Variants in CBX7 observed in about 807,000 individuals in gnomAD.
The protein encoded by CBX7 is chromobox 7, also known as chromobox protein homolog 7.
Under a neutral mutation model 31.4 loss-of-function variants are expected in CBX7, and 14 were observed. The observed-to-expected ratio is 0.45, with a 90% CI of 0.29 to 0.70. The LOEUF is 0.70. Among genes scored for constraint, CBX7 ranks in the 30% least tolerant of loss-of-function variants. CBX7 has a pLI of 0.11. For missense variants in CBX7, 269 were observed against 351.9 expected (o/e 0.76, Z 1.89); for synonymous variants, 159 against 152.6 (o/e 1.04, Z -0.31).
At position 39,132,501 on chromosome 22, in the gene CBX7, C is replaced by G. The variant is rs5750753; in HGVS notation, c.*1390G>C. 0.19 allele frequency: 28,212 copies of G among 152,370 alleles called. 3,152 individuals are homozygous for G. Among genetic ancestry groups the G allele is most frequent in the East Asian group, 0.42 (2,190 of 5,156 alleles). 9.4% of individuals were successfully genotyped at this position (152,370 alleles called of 1,614,324 possible). A position where few individuals can be genotyped will look rare whatever the true frequency, so the allele number is the denominator to read the frequency against. On this transcript the variant is annotated 3_prime_UTR_variant, in exon 6 of 6. Transcript: ENST00000216133. The stretch of plus-strand genomic sequence containing the variant: ...AGTCACTCCTCACTGGCAGGGAAGC[C>G]ACGGGCCCCCAGGACACCTTGTACA...
At chr22:39,138,110 GGTGGAGCTTGCA>G (rs1438343497) in intron 4 of CBX7, among the ~76,000 whole-genome samples, 1 of 151,702 alleles carries the variant, frequency 6.6e-6, no homozygotes, top group Non-Finnish European at 1.5e-5. Context: ...GAACCCGGGA[GGTGGAGCTTGCA>G]GTGAGCCAAG....
rs1442557202 is a variant in CBX7, at chr22:39,132,283, A to T, written c.*1608T>A. On this transcript the variant is annotated 3_prime_UTR_variant, in exon 6 of 6. Coordinates refer to ENST00000216133, the MANE Select transcript of CBX7 (RefSeq NM_175709.5). ...TCTCCTTGCCTCAGTAGACTCTGTGACTTCCTGAGGACACAGAGCAGAGCT... is the reference window on the plus strand; with the variant it reads ...TCTCCTTGCCTCAGTAGACTCTGTGTCTTCCTGAGGACACAGAGCAGAGCT... The T allele has an allele frequency of 1.3e-5, 2 of 152,188 alleles. No individual in the cohort carries two copies. Among genetic ancestry groups the T allele is most frequent in the African/African-American group, 4.8e-5 (2 of 41,432 alleles). 9.4% of individuals were successfully genotyped at this position (152,188 alleles called of 1,614,324 possible).
intron 1 of CBX7, among the ~76,000 whole-genome samples, chr22:39,150,680 G>C (rs897408333): frequency 3.9e-5 from 6 of 152,180 alleles, no homozygotes; most frequent in African/African-American, 1.2e-4. Context: ...TGAGGCAGGA[G>C]GATCGTTTGA....
At chr22:39,149,369 T>C in intron 2 of CBX7, 1 of 215,954 alleles carries the variant, frequency 4.6e-6, no homozygotes, top group Non-Finnish European at 9.3e-6. Context: ...TGAGGGGGAT[T>C]CAGGCTCTGC....
intron 3 of CBX7, 42 bp downstream of exon 3, chr22:39,141,329 G>A: frequency 6.4e-7 from 1 of 1,570,448 alleles, no homozygotes; most frequent in South Asian, 1.1e-5. Flanking sequence ...AAGCCTCTGA[G>A]CCGGCCCTAA....
chr22:39,133,754 T>G lies in CBX7; in HGVS notation c.*137A>C. ...AGAGAAAGGGCAGGTGGTGGGAGAG[T>G]AGTGGGATCTTCTCCCCTTTTGCTG... On this transcript the variant is annotated 3_prime_UTR_variant, in exon 6 of 6. Coordinates refer to ENST00000216133, the MANE Select transcript of CBX7 (RefSeq NM_175709.5). The G allele has an allele frequency of 3.8e-6, 3 of 779,500 alleles. No homozygotes were observed. The highest frequency in any genetic ancestry group is 5.8e-6 in the Non-Finnish European group (3 of 521,256). 48.3% of individuals were successfully genotyped at this position (779,500 alleles called of 1,614,324 possible).
intron 1 of CBX7, among the ~76,000 whole-genome samples, chr22:39,151,803 G>T (rs1327831548): frequency 6.6e-6 from 1 of 150,760 alleles, no homozygotes; most frequent in Non-Finnish European, 1.5e-5. Flanking sequence ...ATGCCCCAGC[G>T]CAGGGGGCGG....
Position 39,133,664 on chromosome 22 carries a change from G to T in CBX7, c.*227C>A, listed in dbSNP as rs1569105081. On this transcript the variant is annotated 3_prime_UTR_variant, in exon 6 of 6. Coordinates refer to ENST00000216133, the MANE Select transcript of CBX7 (RefSeq NM_175709.5). Reference sequence around the variant, plus strand: ...CCTGTCCCCATCCTGCCCTGGGGGTGGTACCCCAACTCCCAGAGCAACTCT... The same window carrying T: ...CCTGTCCCCATCCTGCCCTGGGGGTTGTACCCCAACTCCCAGAGCAACTCT... 2.3e-6 allele frequency: 1 copy of T among 442,762 alleles called. No individual in the cohort carries two copies. The highest frequency in any genetic ancestry group is 3.9e-5 in the East Asian group (1 of 25,960). 27.4% of individuals were successfully genotyped at this position (442,762 alleles called of 1,614,324 possible).
intron 2 of CBX7, among the ~76,000 whole-genome samples, chr22:39,143,275 A>T (rs964562097): frequency 2.1e-5 from 3 of 141,212 alleles, no homozygotes; most frequent in African/African-American, 8.0e-5. Flanking sequence ...AAATAAAAAT[A>T]TAAATTTTAT....
intron 2 of CBX7, among the ~76,000 whole-genome samples, chr22:39,146,034 G>A (rs1017570433): frequency 6.6e-6 from 1 of 152,160 alleles, no homozygotes; most frequent in South Asian, 2.1e-4. Context: ...CAACCCCCAA[G>A]CCCCAGTCCC....
At chr22:39,145,165 C>T (rs1333972721) in intron 2 of CBX7, among the ~76,000 whole-genome samples, 1 of 152,192 alleles carries the variant, frequency 6.6e-6, no homozygotes, top group African/African-American at 2.4e-5. Context: ...GCCCGGGCAG[C>T]TGGGTCTGAG....
chr22:39,149,821 C>G lies in CBX7; in HGVS notation c.81G>C (p.Glu27Asp). ...RKKRVRKGKVEYLVKWKGWPP... is the reference protein window; with the variant it reads ...RKKRVRKGKVDYLVKWKGWPP... ...GCCATCCTTTCCACTTCACCAGATA[C>G]TCGACTTTACCCTGAGAAGAGAGAG... The change falls in exon 2 of 6, where the codon GAG becomes GAC. Residue 27 changes from glutamate to aspartate, a missense_variant. Glu to Asp is a conservative substitution (Grantham distance 45). Coordinates refer to ENST00000216133, the MANE Select transcript of CBX7 (RefSeq NM_175709.5). 1 of 1,613,922 alleles carries G rather than the reference C, an allele frequency of 6.2e-7. No homozygotes were observed. Among genetic ancestry groups the G allele is most frequent in the Non-Finnish European group, 8.5e-7 (1 of 1,179,874 alleles).
chr22:39,143,460 A>G (rs1371604299), intron 2 of CBX7, among the ~76,000 whole-genome samples: 2 of 152,216 alleles, frequency 1.3e-5, no homozygotes, highest in African/African-American at 4.8e-5. Context: ...AAAGTAAGAA[A>G]GTTACTATAA....
At chr22:39,141,140 G>T in intron 3 of CBX7, 1 of 502,434 alleles carries the variant, frequency 2.0e-6, no homozygotes, top group Admixed American at 3.6e-5. Context: ...ACTGAGGCCC[G>T]GGTGGGTAAA....
At chr22:39,139,995 A>G (rs1426483534) in intron 3 of CBX7, among the ~76,000 whole-genome samples, 1 of 152,058 alleles carries the variant, frequency 6.6e-6, no homozygotes, top group Non-Finnish European at 1.5e-5. Context: ...AGACAACACA[A>G]CCAGAGACTC....
chr22:39,139,424 C>T (rs1366752819), intron 3 of CBX7, among the ~76,000 whole-genome samples: 1 of 152,088 alleles, frequency 6.6e-6, no homozygotes, highest in East Asian at 1.9e-4. Flanking sequence ...ATTTACCAGC[C>T]AGGCACGGTG....
chr22:39,150,182 C>T (rs974428005), intron 1 of CBX7, among the ~76,000 whole-genome samples: 8 of 152,208 alleles, frequency 5.3e-5, no homozygotes, highest in Non-Finnish European at 1.2e-4. Context: ...GTGTCTAGAG[C>T]CCCAGTGCAC....
At chr22:39,142,131 G>A (rs1436904499) in intron 2 of CBX7, among the ~76,000 whole-genome samples, 1 of 152,144 alleles carries the variant, frequency 6.6e-6, no homozygotes, top group Non-Finnish European at 1.5e-5. Context: ...CTAGCTGTGC[G>A]ACCTTGAGCA....
chr22:39,148,821 ACT>A (rs1930750429), intron 2 of CBX7: 1 of 152,496 alleles, frequency 6.6e-6, no homozygotes, highest in South Asian at 2.1e-4. Flanking sequence ...AAGCTGAGGC[ACT>A]GTGGGCTGTC....
Sources: gnomAD v4.1 joint callset for allele counts (sites outside exome capture counted in the v4.1 genomes callset) on GRCh38, gnomAD v4.1.1 for gene constraint, MANE v1.5 for transcripts, NCBI Gene and HGNC (gene_info 2026-07-23, HGNC 2026-07-21) for gene names.